MAML3: variants seen among roughly 807,000 people sequenced by gnomAD.
MAML3 encodes mastermind like transcriptional coactivator 3.
MAML3 carries 27 observed loss-of-function variants against 101.9 expected under a neutral mutation model. The observed-to-expected ratio is 0.27, with a 90% confidence interval of 0.20 to 0.37. The LOEUF (loss-of-function observed/expected upper bound fraction) is 0.37, where lower values mean the gene tolerates loss of function less well. Among genes scored for constraint, MAML3 ranks in the 10% least tolerant of loss-of-function variants. The pLI, the probability that MAML3 is intolerant of heterozygous loss-of-function variation, is 1.00. For synonymous variants in MAML3, 501 were observed against 555.9 expected, an observed-to-expected ratio of 0.90 and a Z score of 1.39; for missense variants, 1,316 against 1,444.9, an observed-to-expected ratio of 0.91 and a Z score of 1.45.
At chr4:139,758,694 C>G (rs1326577710) in intron 2 of MAML3, among the ~76,000 whole-genome samples, 2 of 152,216 alleles carry the variant, frequency 1.3e-5, no homozygotes, top group Non-Finnish European at 2.9e-5. Flanking sequence ...TTTCCAGCAA[C>G]AACTGTCTCA....
At chr4:139,989,880 C>CAGAGAGAG (rs1310864161) in intron 1 of MAML3, among the ~76,000 whole-genome samples, 1 of 58,116 alleles carries the variant, frequency 1.7e-5, no homozygotes. Flanking sequence ...CACACACACA[C>CAGAGAGAG]ACAGAGAGAG....
Position 140,152,791 on chromosome 4 carries a change from T to A in MAML3, c.468+69A>T, listed in dbSNP as rs931316335. ...ACCCTTGTACCCCCATGTAAGAAGC[T>A]CCACGCGCCCCCCACCACCACCACC... On this transcript the variant is annotated intron_variant, in intron 1 of 4. Coordinates refer to ENST00000509479, the MANE Select transcript of MAML3 (RefSeq NM_018717.5). 1.9e-6 allele frequency: 3 copies of A among 1,557,896 alleles called. No individual in the cohort carries two copies. In the African/African-American group the frequency reaches 4.1e-5, roughly 21 times the overall value.
rs1560818178 is a variant in MAML3 at position 139,864,926 on chromosome 4, T to TTTTG, written c.2079+24430_2079+24431insCAAA. Among the ~76,000 whole-genome samples, 33 of 8,612 alleles carry TTTTG rather than the reference T, an allele frequency of 3.8e-3. No individual in the cohort carries two copies. In the African/African-American group the frequency reaches 0.039, roughly 10 times the overall value. 5.6% of individuals were successfully genotyped at this position (8,612 alleles called of 152,430 possible). A position where few individuals can be genotyped will look rare whatever the true frequency, so the allele number is the denominator to read the frequency against. On this transcript the variant is annotated intron_variant, in intron 2 of 4. Transcript: ENST00000509479. ...GGAAAATAGTAATGCAAACTTGCTT[T>TTTTG]TTTTTTTTTTTTTTTTTTTTTTTTT... is the stretch of plus-strand genomic sequence containing the variant.
At chr4:140,057,112 C>T (rs545091543) in intron 1 of MAML3, among the ~76,000 whole-genome samples, 17 of 152,088 alleles carry the variant, frequency 1.1e-4, no homozygotes, top group South Asian at 2.1e-4. Context: ...CCCGTCTCTA[C>T]GAAAAATTTA....
chr4:139,873,207 C>A (rs1002753909), intron 2 of MAML3, among the ~76,000 whole-genome samples: 1 of 152,186 alleles, frequency 6.6e-6, no homozygotes, highest in Admixed American at 6.5e-5. Context: ...TGTGGCACAG[C>A]TTTGATATCA....
Position 139,890,167 on chromosome 4 carries a change from T to C in MAML3, c.1269A>G (p.Gln423=). The change falls in exon 2 of 5, where the codon CAA becomes CAG. Residue 423 remains glutamine, a synonymous_variant. Coordinates refer to ENST00000509479, the MANE Select transcript of MAML3 (RefSeq NM_018717.5). This position sits in a 1 kb window ranked among gnomAD's most constrained non-coding sequence, Gnocchi z 4.1. ...GTGGAGCTTGGCCTGGAGTGTGGGC[T>C]TGGTTTGGAGTTTGAGGGGACTGGA... ...CAVQSPQTPN[Q]AHTPGQAPPR... 6.2e-7 allele frequency: 1 copy of C among 1,613,530 alleles called. No homozygotes were observed. The highest frequency in any genetic ancestry group is 8.5e-7 in the Non-Finnish European group (1 of 1,179,870).
intron 2 of MAML3, among the ~76,000 whole-genome samples, chr4:139,777,788 T>C (rs79959728): frequency 0.023 from 3,502 of 152,344 alleles, 131 homozygotes; most frequent in African/African-American, 0.078. Flanking sequence ...CTTTTGACCA[T>C]GGTCTTCCAG....
At position 139,730,253 on chromosome 4, in the gene MAML3, T is replaced by C. The variant is rs771149526; in HGVS notation, c.2331+163A>G. 40 of 655,400 alleles carry C rather than the reference T, an allele frequency of 6.1e-5. 1 individual carries two copies. The East Asian group carries it at 6.6e-4, about 11-fold the overall frequency. The allele number at this position is 655,400 out of a possible 1,614,324, so 40.6% of individuals were successfully genotyped here. The stretch of plus-strand genomic sequence containing the variant: ...TCATTATAGGAAAAACCCTAACTAA[T>C]TGAAAGGTCTAAATTCTTCAGGTTC... On this transcript the variant is annotated intron_variant, in intron 3 of 4. Transcript: ENST00000509479.
Position 140,032,427 on chromosome 4 carries a change from A to C in MAML3, c.468+120433T>G, listed in dbSNP as rs1170519888. ...GAATGAAAACTTCAGACTTGAAATT[A>C]TTCTGCTTTTAAGGAAAGTGAAATT... On this transcript the variant is annotated intron_variant, in intron 1 of 4. Transcript: ENST00000509479. Among the ~76,000 whole-genome samples, 6 of 152,224 alleles carry C rather than the reference A, an allele frequency of 3.9e-5. No homozygotes were observed. The East Asian group carries it at 9.6e-4, about 24-fold the overall frequency.
chr4:140,153,844 A>G lies in MAML3; in HGVS notation c.-517T>C, dbSNP rs926776944. ...GCATCGGAAAACGGCAAGCTTGCTT[A>G]TTGCATTTTCCTTCCACAAAAAAGT... On this transcript the variant is annotated 5_prime_UTR_variant, in exon 1 of 5. The change abolishes the stop of an existing upstream ORF in the 5' untranslated region. Transcript: ENST00000509479. 1.9e-5 allele frequency: 3 copies of G among 154,726 alleles called. No individual in the cohort carries two copies. The highest frequency in any genetic ancestry group is 7.2e-5 in the African/African-American group (3 of 41,494). The allele number at this position is 154,726 out of a possible 1,614,324, so 9.6% of individuals were successfully genotyped here.
chr4:139,730,182 G>A (rs2110986984), intron 3 of MAML3: 1 of 577,694 alleles, frequency 1.7e-6, no homozygotes, highest in Non-Finnish European at 3.1e-6. Context: ...TGGCACACAG[G>A]CCTTCAAATT....
chr4:139,855,622 T>G (rs1731644680), intron 2 of MAML3, among the ~76,000 whole-genome samples: 1 of 152,226 alleles, frequency 6.6e-6, no homozygotes, highest in Admixed American at 6.5e-5. Flanking sequence ...GATGTTTGAT[T>G]GTTGTAAAAC....
intron 1 of MAML3, among the ~76,000 whole-genome samples, chr4:140,149,523 A>AT (rs1386663670): frequency 6.6e-6 from 1 of 152,268 alleles, no homozygotes; most frequent in African/African-American, 2.4e-5. Context: ...CAAAGCCCTC[A>AT]TTAGACTGCC....
chr4:139,903,367 A>G (rs554907925), intron 1 of MAML3, among the ~76,000 whole-genome samples: 8 of 152,254 alleles, frequency 5.3e-5, no homozygotes, highest in African/African-American at 1.9e-4. Context: ...GCCTACTCCA[A>G]CCTCTGAAAA....
intron 2 of MAML3, among the ~76,000 whole-genome samples, chr4:139,787,795 C>T (rs1730331957): frequency 1.3e-5 from 2 of 152,302 alleles, no homozygotes; most frequent in Middle Eastern, 3.4e-3. Context: ...AAGTGCATTA[C>T]TTTACACTTA....
intron 1 of MAML3, among the ~76,000 whole-genome samples, chr4:140,113,003 G>A (rs1728461136): frequency 1.3e-5 from 2 of 152,156 alleles, no homozygotes; most frequent in South Asian, 2.1e-4. Context: ...ATAACTGTCC[G>A]GGCGCAGTGG....
At chr4:139,977,777 G>A (rs1160477482) in intron 1 of MAML3, among the ~76,000 whole-genome samples, 1 of 152,006 alleles carries the variant, frequency 6.6e-6, no homozygotes, top group African/African-American at 2.4e-5. Context: ...GGAGGCTGAG[G>A]CAGGAGAATT....
intron 1 of MAML3, among the ~76,000 whole-genome samples, chr4:140,047,591 C>G (rs1727202807): frequency 6.6e-6 from 1 of 152,024 alleles, no homozygotes; most frequent in Admixed American, 6.6e-5. Context: ...TGAATAATAC[C>G]TAATAATATC....
At chr4:140,136,927 T>A (rs1728897762) in intron 1 of MAML3, among the ~76,000 whole-genome samples, 1 of 152,260 alleles carries the variant, frequency 6.6e-6, no homozygotes, top group Non-Finnish European at 1.5e-5. Context: ...TCCTCCCATT[T>A]CATTATTCAG....
Sources: gnomAD v4.1 joint callset for allele counts (sites outside exome capture counted in the v4.1 genomes callset) on GRCh38, gnomAD v4.1.1 for gene constraint, Gnocchi (gnomAD v3.1) non-coding constraint, MANE v1.5 for transcripts, NCBI Gene and HGNC (gene_info 2026-07-23, HGNC 2026-07-21) for gene names.